COL21A1: variants seen among roughly 807,000 people sequenced by gnomAD.
COL21A1 encodes collagen alpha-1(XXI) chain.
Under a neutral mutation model 137.9 loss-of-function variants are expected in COL21A1, and 149 were observed. That is an observed-to-expected ratio of 1.08 (90% CI 0.95 to 1.24). The LOEUF (loss-of-function observed/expected upper bound fraction) is 1.24, where lower values mean the gene tolerates loss of function less well. Among genes scored for constraint, COL21A1 ranks in the 50% most tolerant of loss-of-function variants. The pLI, the probability that COL21A1 is intolerant of heterozygous loss-of-function variation, is 0.00. For synonymous variants in COL21A1, 456 were observed against 391.5 expected (o/e 1.16, Z -1.95); for missense variants, 1,167 against 1,158.4 (o/e 1.01, Z -0.11).
At chr6:56,345,354 T>G (rs1028560913) in intron 1 of COL21A1, among the ~76,000 whole-genome samples, 4 of 141,502 alleles carry the variant, frequency 2.8e-5, no homozygotes, top group African/African-American at 9.7e-5. Context: ...ACCCATTTGT[T>G]GAGGGTCTAT....
At chr6:56,273,209 A>G (rs1383935329) in intron 1 of COL21A1, among the ~76,000 whole-genome samples, 1 of 152,222 alleles carries the variant, frequency 6.6e-6, no homozygotes, top group Non-Finnish European at 1.5e-5. Flanking sequence ...AACACAACTT[A>G]CCAAAATCTC....
intron 3 of COL21A1, among the ~76,000 whole-genome samples, chr6:56,179,037 A>G (rs1001845933): frequency 1.0e-5 from 1 of 100,218 alleles, no homozygotes; most frequent in East Asian, 4.8e-4. Flanking sequence ...AAATTACAGT[A>G]GGAAATTGTC....
chr6:56,322,874 C>G (rs1433521164), intron 1 of COL21A1, among the ~76,000 whole-genome samples: 1 of 119,602 alleles, frequency 8.4e-6, no homozygotes, highest in Non-Finnish European at 1.8e-5. Context: ...TCAAAACCAT[C>G]CTCTGCTATC....
intron 1 of COL21A1, among the ~76,000 whole-genome samples, chr6:56,308,106 C>T (rs1255588280): frequency 6.6e-6 from 1 of 152,198 alleles, no homozygotes; most frequent in Admixed American, 6.5e-5. Context: ...GCGGTGGTAT[C>T]AAGAGGTGAG....
chr6:56,073,280 A>C (rs1411738745), intron 20 of COL21A1, among the ~76,000 whole-genome samples: 1 of 151,476 alleles, frequency 6.6e-6, no homozygotes, highest in East Asian at 1.9e-4. Flanking sequence ...AGTCAGTCAC[A>C]CACAACTCTG....
chr6:56,198,140 G>T (rs775403959), intron 1 of COL21A1, among the ~76,000 whole-genome samples: 15 of 152,082 alleles, frequency 9.9e-5, no homozygotes, highest in Non-Finnish European at 2.1e-4. Flanking sequence ...AATACTGCAT[G>T]ATCACATGTT....
chr6:56,141,908 T>G, intron 11 of COL21A1, 22 bp downstream of exon 11: 2 of 1,566,938 alleles, frequency 1.3e-6, no homozygotes, highest in Non-Finnish European at 1.7e-6. Flanking sequence ...ATTTATAAAA[T>G]GTATATAAGT....
chr6:56,082,161 C>G (rs1767836051), intron 17 of COL21A1, among the ~76,000 whole-genome samples: 1 of 151,862 alleles, frequency 6.6e-6, no homozygotes, highest in Admixed American at 6.6e-5. Flanking sequence ...AAAACTCAGA[C>G]AAGGACGAAG....
chr6:56,389,822 A>G (rs973658272), intron 1 of COL21A1, among the ~76,000 whole-genome samples: 1 of 152,236 alleles, frequency 6.6e-6, no homozygotes, highest in African/African-American at 2.4e-5. Flanking sequence ...CTATAATATT[A>G]TATCAGCAAA....
chr6:56,266,027 G>T (rs534015217), intron 1 of COL21A1, among the ~76,000 whole-genome samples: 1 of 152,312 alleles, frequency 6.6e-6, no homozygotes, highest in South Asian at 2.1e-4. Context: ...CTGTCCCAGT[G>T]CTTTTAACGA....
At position 56,268,736 on chromosome 6, in the gene COL21A1, C is replaced by T. The variant is rs189781990; in HGVS notation, c.-38-86080G>A. Among the ~76,000 whole-genome samples the T allele has an allele frequency of 5.7e-4, 87 of 152,202 alleles. 1 individual carries two copies. The highest frequency in any genetic ancestry group is 3.4e-3 in the Middle Eastern group (1 of 294). The stretch of plus-strand genomic sequence containing the variant: ...GGCCATTCAAAAAGGCAAAGTGTTC[C>T]CTTACCTCCAAACAAGCCCAGTATC... On this transcript the variant is annotated intron_variant, in intron 1 of 28. Coordinates refer to the COL21A1 transcript ENST00000370819.
intron 16 of COL21A1, among the ~76,000 whole-genome samples, chr6:56,115,058 A>C (rs1232826899): frequency 6.6e-6 from 1 of 151,758 alleles, no homozygotes; most frequent in Non-Finnish European, 1.5e-5. Flanking sequence ...AGAACAAAAA[A>C]CCAAACACCG....
intron 1 of COL21A1, among the ~76,000 whole-genome samples, chr6:56,359,713 T>C (rs1765923044): frequency 6.6e-6 from 1 of 152,188 alleles, no homozygotes; most frequent in South Asian, 2.1e-4. Context: ...AGATAAAGAC[T>C]TCCAGTCTTG....
chr6:56,261,550 G>A (rs752151845), intron 1 of COL21A1, among the ~76,000 whole-genome samples: 20 of 152,140 alleles, frequency 1.3e-4, no homozygotes, highest in Non-Finnish European at 2.1e-4. Context: ...TCTGTGGACC[G>A]GAGAGCAAGC....
intron 1 of COL21A1, among the ~76,000 whole-genome samples, chr6:56,365,099 C>T (rs1417174958): frequency 6.6e-6 from 1 of 152,122 alleles, no homozygotes; most frequent in East Asian, 1.9e-4. Context: ...CCCCTTTAAT[C>T]TCAGGAATCC....
chr6:56,098,384 A>AAAT (rs1769857023), intron 17 of COL21A1, among the ~76,000 whole-genome samples: 3 of 24,116 alleles, frequency 1.2e-4, no homozygotes, highest in African/African-American at 7.6e-4. Flanking sequence ...AATATATATA[A>AAAT]ATATATAAAT....
In COL21A1 at chr6:56,104,517, A is replaced by ATTG. The variant is rs112098103; in HGVS notation, c.1759-2995_1759-2993dup. Among the ~76,000 whole-genome samples the ATTG allele has an allele frequency of 5.5e-3, 837 of 152,300 alleles. 7 individuals carry two copies. The highest frequency in any genetic ancestry group is 0.019 in the African/African-American group (804 of 41,562). On this transcript the variant is annotated intron_variant, in intron 16 of 29. Transcript: ENST00000244728. The stretch of plus-strand genomic sequence containing the variant: ...ATACAACCAGCCTGTGAAATTTAAT[A>ATTG]TTGTTACCAGAACTTAACCTGATCA...
At chr6:56,381,934 T>C (rs1405360165) in intron 1 of COL21A1, among the ~76,000 whole-genome samples, 1 of 152,170 alleles carries the variant, frequency 6.6e-6, no homozygotes. Flanking sequence ...CAAAAGCCTC[T>C]CCTTACCCAC....
At chr6:56,128,305 G>A (rs1173921153) in intron 12 of COL21A1, among the ~76,000 whole-genome samples, 2 of 152,108 alleles carry the variant, frequency 1.3e-5, no homozygotes, top group East Asian at 3.9e-4. Flanking sequence ...TTCATGACAG[G>A]GTTTTTTCAA....
Sources: allele counts gnomAD v4.1 joint callset (sites outside exome capture counted in the v4.1 genomes callset), GRCh38; gene constraint gnomAD v4.1.1; transcripts MANE v1.5; gene names NCBI Gene and HGNC (gene_info 2026-07-23, HGNC 2026-07-21).